The following ARID1A variants were observed in gnomAD, a reference collection of about 807,000 sequenced individuals.
ARID1A encodes the protein AT-rich interactive domain-containing protein 1A.
In ARID1A, 20 loss-of-function variants were observed where a neutral mutation model predicts 212.6. The ratio of observed to expected loss-of-function variants is 0.09; its 90% CI spans 0.07 to 0.14. ARID1A has a LOEUF of 0.14. Ranked by LOEUF, ARID1A falls within the 10% of genes least tolerant of loss-of-function variation. The pLI is 1.00. For synonymous variants in ARID1A, 1,376 were observed against 1,222.1 expected, an observed-to-expected ratio of 1.13 and a Z score of -2.63; for missense variants, 2,587 against 3,059.0, an observed-to-expected ratio of 0.85 and a Z score of 3.64.
At chr1:26,708,122 C>T (rs961215049) in intron 1 of ARID1A, among the ~76,000 whole-genome samples, 1 of 152,042 alleles carries the variant, frequency 6.6e-6, no homozygotes, top group Non-Finnish European at 1.5e-5. Context: ...CGATGAATGG[C>T]CATGGCACTT....
rs2080992785 is a variant in ARID1A, at chr1:26,761,616, C to T, written c.2251+143C>T. 3.7e-5 allele frequency: 29 copies of T among 778,500 alleles called. No individual in the cohort carries two copies. The South Asian group carries it at 4.6e-4, about 12-fold the overall frequency. 48.2% of individuals were successfully genotyped at this position (778,500 alleles called of 1,614,324 possible). The stretch of plus-strand genomic sequence containing the variant: ...TGTTTTTATATTCTTTAAAAGTTGA[C>T]GTAATAATTGTACTCATTTATGGGG... On this transcript the variant is annotated intron_variant, in intron 6 of 19. Coordinates refer to ENST00000324856, the MANE Select transcript of ARID1A (RefSeq NM_006015.6).
intron 1 of ARID1A, among the ~76,000 whole-genome samples, chr1:26,720,750 G>A (rs1172789016): frequency 6.6e-6 from 1 of 151,864 alleles, no homozygotes. Context: ...TATAGTCCCA[G>A]CTACTCAGGA....
chr1:26,772,469 C>A lies in ARID1A; in HGVS notation c.3407-31C>A, dbSNP rs1341689541. Reference sequence around the variant, plus strand: ...GAGAGTTAAACACTGTCATGCCAAGCAAACTACTCAACTTGTATCTCTGTC... The same window carrying A: ...GAGAGTTAAACACTGTCATGCCAAGAAAACTACTCAACTTGTATCTCTGTC... On this transcript the variant is annotated intron_variant, in intron 12 of 19. Transcript: ENST00000324856. 6.2e-6 allele frequency: 10 copies of A among 1,613,722 alleles called. No individual in the cohort carries two copies. The African/African-American group carries it at 1.1e-4, about 17-fold the overall frequency.
rs754780750 is a variant in ARID1A, at chr1:26,697,498, GAGC to G, written c.1099_1101del (p.Ser367del). On this transcript the variant is annotated inframe_deletion, in exon 1 of 20. Coordinates refer to ENST00000324856, the MANE Select transcript of ARID1A (RefSeq NM_006015.6). ...GCCACCACGCGCCCATGAGCCCCGG[GAGC>G]AGCGGCGGCGGGGGGCAGCCGCTCG... 2 of 1,408,058 alleles carry G rather than the reference GAGC, an allele frequency of 1.4e-6. No homozygotes were observed. The highest frequency in any genetic ancestry group is 1.5e-5 in the South Asian group (1 of 66,196). The allele number at this position is 1,408,058 out of a possible 1,614,324, so 87.2% of individuals were successfully genotyped here. A position where few individuals can be genotyped will look rare whatever the true frequency, so the allele number is the denominator to read the frequency against.
intron 4 of ARID1A, among the ~76,000 whole-genome samples, chr1:26,737,580 CCAGGCCCGAGCACGGTGCCT>C (rs1198756024): frequency 6.6e-6 from 1 of 151,992 alleles, no homozygotes; most frequent in Admixed American, 6.6e-5. Context: ...AAATTAATGC[CCAGGCCCGAGCACGGTGCCT>C]CACGCTTGTA....
At chr1:26,712,463 T>C (rs1368481099) in intron 1 of ARID1A, among the ~76,000 whole-genome samples, 2 of 152,136 alleles carry the variant, frequency 1.3e-5, no homozygotes, top group African/African-American at 2.4e-5. Flanking sequence ...GATGAGAAGA[T>C]TGCTTGAGCC....
chr1:26,729,550 T>A, intron 1 of ARID1A, 101 bp from the exon 2 acceptor site: 1 of 1,347,412 alleles, frequency 7.4e-7, no homozygotes, highest in Non-Finnish European at 1.1e-6. Context: ...ACTGTATTTC[T>A]TTATAGCATA....
chr1:26,734,544 A>G (rs2080711209), intron 4 of ARID1A, among the ~76,000 whole-genome samples: 1 of 152,176 alleles, frequency 6.6e-6, no homozygotes, highest in Non-Finnish European at 1.5e-5. Context: ...CTTTTTCTAA[A>G]GATTCATCCA....
rs770198517 is a variant in ARID1A at position 26,775,126 on chromosome 1, C to G, written c.4899C>G (p.Pro1633=). Residue 1633 remains proline, a synonymous_variant, in exon 18 of 20, where the codon CCC becomes CCG. Transcript: ENST00000324856. ...SHIAPAPVQP[P]MIRRDITFPP... ...TAGCACCTGCCCCTGTGCAGCCCCC[C>G]ATGATTCGGCGGGATATCACCTTCC... 1.9e-6 allele frequency: 3 copies of G among 1,614,052 alleles called. No individual in the cohort carries two copies. The highest frequency in any genetic ancestry group is 2.5e-6 in the Non-Finnish European group (3 of 1,180,004).
chr1:26,778,846 G>T, intron 19 of ARID1A, 177 bp from the exon 20 acceptor site: 1 of 561,858 alleles, frequency 1.8e-6, no homozygotes. Flanking sequence ...AAAGAACTTT[G>T]TGTTGGGCAT....
At chr1:26,727,946 C>T (rs1032608876) in intron 1 of ARID1A, 4 of 152,106 alleles carry the variant, frequency 2.6e-5, no homozygotes, top group Non-Finnish European at 4.4e-5. Context: ...TGGGGAGGAC[C>T]GTATGCTATT....
Position 26,696,054 on chromosome 1 carries a change from G to C in ARID1A, c.-350G>C. 1 of 674,320 alleles carries C rather than the reference G, an allele frequency of 1.5e-6. No homozygotes were observed. The highest frequency in any genetic ancestry group is 1.9e-6 in the Non-Finnish European group (1 of 535,676). The allele number at this position is 674,320 out of a possible 1,614,324, so 41.8% of individuals were successfully genotyped here. A position where few individuals can be genotyped will look rare whatever the true frequency, so the allele number is the denominator to read the frequency against. ...AGCAGAAAGCGGAGAGTCACAGCGG[G>C]GCCAGGCCCTGGGGAGCGGAGCCTC... On this transcript the variant is annotated 5_prime_UTR_variant, in exon 1 of 20. Coordinates refer to ENST00000324856, the MANE Select transcript of ARID1A (RefSeq NM_006015.6).
rs550842970 is a variant in ARID1A, at chr1:26,780,363, C to T, written c.6465C>T (p.Leu2155=). ...EKLYSTMVRF[L]SDRKNPVCRE... The stretch of plus-strand genomic sequence containing the variant: ...TGTATAGCACTATGGTGCGCTTCCT[C>T]AGTGACCGAAAGAACCCGGTGTGCC... The change falls in exon 20 of 20, where the codon CTC becomes CTT. Residue 2155 remains leucine (L), a synonymous_variant. Transcript: ENST00000324856. The surrounding 1 kb of genome is among the most constrained non-coding windows in gnomAD (Gnocchi z 7.2). 1 of 1,614,238 alleles carries T rather than the reference C, an allele frequency of 6.2e-7. No homozygotes were observed. The highest frequency in any genetic ancestry group is 2.2e-5 in the East Asian group (1 of 44,880).
At chr1:26,753,951 C>T (rs1203873153) in intron 4 of ARID1A, among the ~76,000 whole-genome samples, 4 of 152,108 alleles carry the variant, frequency 2.6e-5, no homozygotes, top group South Asian at 2.1e-4. Flanking sequence ...GGACTACAGG[C>T]ACACGCCACC....
intron 1 of ARID1A, among the ~76,000 whole-genome samples, chr1:26,702,378 T>G (rs1187172484): frequency 6.6e-6 from 1 of 152,156 alleles, no homozygotes; most frequent in African/African-American, 2.4e-5. Flanking sequence ...AGTTTAGAAG[T>G]GTAATTTAGG....
intron 1 of ARID1A, chr1:26,728,971 T>C (rs2080646498): frequency 6.6e-6 from 1 of 152,294 alleles, no homozygotes; most frequent in South Asian, 2.1e-4. Flanking sequence ...CTTGCTCTTT[T>C]TTTTTTAACT....
intron 4 of ARID1A, among the ~76,000 whole-genome samples, chr1:26,742,898 AGGCGGAGGTTGCAGTG>A (rs1321164624): frequency 3.9e-5 from 6 of 152,194 alleles, no homozygotes; most frequent in Admixed American, 3.9e-4. Context: ...TGAACCCGAG[AGGCGGAGGTTGCAGTG>A]GGCTGAGGTC....
intron 4 of ARID1A, among the ~76,000 whole-genome samples, chr1:26,759,094 G>T (rs945242062): frequency 6.6e-5 from 10 of 152,160 alleles, no homozygotes; most frequent in African/African-American, 2.2e-4. Context: ...ACTTTCAGCC[G>T]ATCTTTCCCG....
At chr1:26,709,431 C>A (rs2080427813) in intron 1 of ARID1A, among the ~76,000 whole-genome samples, 1 of 152,038 alleles carries the variant, frequency 6.6e-6, no homozygotes, top group African/African-American at 2.4e-5. Context: ...AGCCAGGAGG[C>A]CAGAAGGGTG....
Sources: allele counts gnomAD v4.1 joint callset (sites outside exome capture counted in the v4.1 genomes callset), GRCh38; gene constraint gnomAD v4.1.1; non-coding constraint Gnocchi (gnomAD v3.1); transcripts MANE v1.5; gene names NCBI Gene and HGNC (gene_info 2026-07-23, HGNC 2026-07-21).